ABCC4: variants seen among roughly 807,000 people sequenced by gnomAD.
The protein encoded by ABCC4 is ATP binding cassette subfamily C member 4 (PEL blood group).
A neutral mutation model predicts 168.5 loss-of-function variants in ABCC4; 102 were observed. The ratio of observed to expected loss-of-function variants is 0.61; its 90% CI spans 0.52 to 0.71. ABCC4 has a LOEUF of 0.71. Ranked by LOEUF, ABCC4 falls within the 30% of genes least tolerant of loss-of-function variation. ABCC4 has a pLI of 0.00. For synonymous variants in ABCC4, 617 were observed against 590.7 expected, an observed-to-expected ratio of 1.04 and a Z score of -0.65; for missense variants, 1,402 against 1,605.8, an observed-to-expected ratio of 0.87 and a Z score of 2.17.
rs187744167 is a variant in ABCC4 at position 95,077,593 on chromosome 13, C to T, written c.2687-2042G>A. Among the ~76,000 whole-genome samples the T allele has an allele frequency of 2.7e-3, 415 of 151,922 alleles. 1 individual carries two copies. Among genetic ancestry groups the T allele is most frequent in the African/African-American group, 9.4e-3 (390 of 41,454 alleles). On this transcript the variant is annotated intron_variant, in intron 21 of 30. Transcript: ENST00000645237. ...GCTCCAGCAATCAGGCTGCCTCAGC[C>T]ACCCAAAGTGCTAGGATTACAGGTG...
At chr13:95,267,842 G>A (rs892151037) in intron 1 of ABCC4, among the ~76,000 whole-genome samples, 13 of 152,194 alleles carry the variant, frequency 8.5e-5, no homozygotes, top group African/African-American at 2.4e-4. Context: ...GCTGGGCTTG[G>A]AGCCAACTGC....
At chr13:95,247,921 C>CACACACACACACACACACACAA (rs2040152875) in intron 1 of ABCC4, among the ~76,000 whole-genome samples, 168 bp from the exon 2 acceptor site, 1 of 151,394 alleles carries the variant, frequency 6.6e-6, no homozygotes, top group Non-Finnish European at 1.5e-5. Flanking sequence ...AACATGTGCA[C>CACACACACACACACACACACAA]ACACACACAC....
At chr13:95,226,501 A>C (rs1364573129) in intron 4 of ABCC4, among the ~76,000 whole-genome samples, 1 of 152,184 alleles carries the variant, frequency 6.6e-6, no homozygotes, top group Non-Finnish European at 1.5e-5. Flanking sequence ...AACTTAATTC[A>C]ATGGGGAAAG....
At chr13:95,090,673 G>A (rs2034403651) in intron 20 of ABCC4, among the ~76,000 whole-genome samples, 1 of 152,128 alleles carries the variant, frequency 6.6e-6, no homozygotes, top group African/African-American at 2.4e-5. Flanking sequence ...CTACCCAAAT[G>A]AGAAAAGGAA....
intron 16 of ABCC4, 132 bp from the exon 17 acceptor site, chr13:95,163,779 C>A (rs1229356372): frequency 2.2e-5 from 16 of 722,342 alleles, no homozygotes; most frequent in Non-Finnish European, 3.5e-5. Flanking sequence ...TGCTTGTAAA[C>A]CCCAGCACTT....
At chr13:95,244,007 C>T (rs1037155187) in intron 3 of ABCC4, among the ~76,000 whole-genome samples, 3 of 152,140 alleles carry the variant, frequency 2.0e-5, no homozygotes, top group Non-Finnish European at 4.4e-5. Context: ...CACCAGGACA[C>T]CTAGGAACCT....
At chr13:95,083,797 A>G (rs943539088) in intron 20 of ABCC4, among the ~76,000 whole-genome samples, 1 of 152,182 alleles carries the variant, frequency 6.6e-6, no homozygotes, top group Non-Finnish European at 1.5e-5. Flanking sequence ...TGCTGGAATT[A>G]TGAGCGTGAG....
intron 9 of ABCC4, among the ~76,000 whole-genome samples, chr13:95,193,333 G>T (rs1214219588): frequency 2.0e-5 from 3 of 152,238 alleles, no homozygotes; most frequent in African/African-American, 7.2e-5. Flanking sequence ...CTGCCCACCT[G>T]TTTTAAGCAG....
intron 15 of ABCC4, among the ~76,000 whole-genome samples, chr13:95,165,455 T>C (rs1328777433): frequency 4.6e-5 from 7 of 152,228 alleles, no homozygotes; most frequent in South Asian, 2.1e-4. Context: ...GGAATATCTA[T>C]GCTTTTAAGT....
In ABCC4 at chr13:95,077,021, G is replaced by C. The variant is rs4773839; in HGVS notation, c.2687-1470C>G. 3.9e-3 allele frequency among the ~76,000 whole-genome samples: 601 copies of C among 152,186 alleles called. 3 individuals carry two copies. The highest frequency in any genetic ancestry group is 0.01 in the Middle Eastern group (3 of 292). On this transcript the variant is annotated intron_variant, in intron 21 of 30. Transcript: ENST00000645237. ...CAGGTGTGAGCCACCATTTCCAGCA[G>C]GCCACTGTGTTTCAAGCACACCATT... is the stretch of plus-strand genomic sequence containing the variant.
chr13:95,121,421 G>T (rs1052768064), intron 19 of ABCC4, among the ~76,000 whole-genome samples: 18 of 135,826 alleles, frequency 1.3e-4, no homozygotes, highest in Admixed American at 3.7e-4. Flanking sequence ...ACTTTATGGG[G>T]TTTTTTTTTG....
chr13:95,183,863 G>A (rs193221985), intron 11 of ABCC4, among the ~76,000 whole-genome samples: 154 of 152,184 alleles, frequency 1.0e-3, no homozygotes, highest in African/African-American at 3.3e-3. Flanking sequence ...GCAATGAGGC[G>A]AGATTACACC....
chr13:95,279,371 TC>T (rs2041055717), intron 1 of ABCC4, among the ~76,000 whole-genome samples: 1 of 152,210 alleles, frequency 6.6e-6, no homozygotes, highest in Non-Finnish European at 1.5e-5. Context: ...AAATTTAACC[TC>T]TGTGCACCTC....
chr13:95,087,867 T>C (rs1329927839), intron 20 of ABCC4, among the ~76,000 whole-genome samples: 2 of 152,228 alleles, frequency 1.3e-5, no homozygotes, highest in Admixed American at 1.3e-4. Flanking sequence ...TTTTTTTTGT[T>C]ACCTCATCCA....
At chr13:95,242,486 A>G (rs959388005) in intron 3 of ABCC4, among the ~76,000 whole-genome samples, 3 of 152,114 alleles carry the variant, frequency 2.0e-5, no homozygotes, top group Non-Finnish European at 2.9e-5. Context: ...TTGGCCTCCC[A>G]AAGTGCTGGG....
intron 27 of ABCC4, among the ~76,000 whole-genome samples, chr13:95,051,802 G>A (rs1329439320): frequency 4.0e-5 from 6 of 151,572 alleles, no homozygotes; most frequent in African/African-American, 1.5e-4. Context: ...GAGTAGCTGG[G>A]GCTACAGATG....
intron 20 of ABCC4, among the ~76,000 whole-genome samples, chr13:95,083,824 C>T (rs770643685): frequency 7.2e-5 from 11 of 152,144 alleles, no homozygotes; most frequent in Middle Eastern, 6.8e-3. Flanking sequence ...CACCAGGCCC[C>T]CATTAGTTCT....
intron 25 of ABCC4, among the ~76,000 whole-genome samples, chr13:95,069,192 G>A (rs1685269256): frequency 6.6e-6 from 1 of 152,210 alleles, no homozygotes; most frequent in African/African-American, 2.4e-5. Context: ...AGAACGGGCT[G>A]TTGCGGGAGC....
chr13:95,204,686 A>T (rs1476904207), intron 8 of ABCC4, among the ~76,000 whole-genome samples: 1 of 152,218 alleles, frequency 6.6e-6, no homozygotes, highest in East Asian at 1.9e-4. Flanking sequence ...GCAATATAAA[A>T]ACAGATTAAT....
Sources: gnomAD v4.1 joint callset for allele counts (sites outside exome capture counted in the v4.1 genomes callset) on GRCh38, gnomAD v4.1.1 for gene constraint, MANE v1.5 for transcripts, NCBI Gene and HGNC (gene_info 2026-07-23, HGNC 2026-07-21) for gene names.